The following IMMP2L variants were observed in gnomAD, a reference collection of about 807,000 sequenced individuals.
The protein encoded by IMMP2L is mitochondrial inner membrane protease subunit 2.
A neutral mutation model predicts 19.3 loss-of-function variants in IMMP2L; 18 were observed. The observed-to-expected ratio is 0.93, with a 90% CI of 0.64 to 1.38. The LOEUF is 1.38. IMMP2L is among the 40% of genes most tolerant of loss of function. The pLI is 0.00. For missense variants in IMMP2L, 233 were observed against 218.2 expected, an observed-to-expected ratio of 1.07 and a Z score of -0.43; for synonymous variants, 76 against 73.0, an observed-to-expected ratio of 1.04 and a Z score of -0.21.
intron 5 of IMMP2L, among the ~76,000 whole-genome samples, chr7:110,725,177 C>T (rs1000490657): frequency 6.6e-6 from 1 of 152,138 alleles, no homozygotes; most frequent in Non-Finnish European, 1.5e-5. Context: ...ATTTCAGACA[C>T]GGATCACACT....
intron 1 of IMMP2L, among the ~76,000 whole-genome samples, chr7:111,548,120 C>A (rs1219551415): frequency 6.6e-6 from 1 of 151,924 alleles, no homozygotes; most frequent in African/African-American, 2.4e-5. Context: ...AGTGAGAAAC[C>A]AGTTTCAGGG....
chr7:110,684,940 C>T (rs753002421), intron 5 of IMMP2L, among the ~76,000 whole-genome samples: 36 of 152,060 alleles, frequency 2.4e-4, no homozygotes, highest in Non-Finnish European at 4.6e-4. Flanking sequence ...AACAACAGTT[C>T]CAAATTTTCC....
intron 3 of IMMP2L, among the ~76,000 whole-genome samples, chr7:111,337,935 T>C (rs1409938918): frequency 6.6e-6 from 1 of 151,856 alleles, no homozygotes; most frequent in African/African-American, 2.4e-5. Flanking sequence ...TTACCAGAGA[T>C]ACAAAGAAAT....
intron 3 of IMMP2L, chr7:111,122,743 C>A: frequency 6.4e-7 from 1 of 1,560,792 alleles, no homozygotes; most frequent in Non-Finnish European, 8.8e-7. Context: ...TCCTTAAGGG[C>A]CCATTACATT....
chr7:111,223,648 T>G (rs960036824), intron 3 of IMMP2L, among the ~76,000 whole-genome samples: 5 of 152,122 alleles, frequency 3.3e-5, no homozygotes, highest in Admixed American at 6.6e-5. Flanking sequence ...CATGCTTAAT[T>G]ACCCAGCAAA....
chr7:111,426,852 T>C (rs1281970260), intron 3 of IMMP2L, among the ~76,000 whole-genome samples: 1 of 151,194 alleles, frequency 6.6e-6, no homozygotes, highest in Non-Finnish European at 1.5e-5. Flanking sequence ...CAGTGTTTGG[T>C]GTTTAATAAA....
chr7:111,548,979 CA>C (rs998532904), intron 1 of IMMP2L, among the ~76,000 whole-genome samples: 4 of 152,086 alleles, frequency 2.6e-5, no homozygotes, highest in Non-Finnish European at 5.9e-5. Flanking sequence ...CTCAAGCTGA[CA>C]ACTAGGTAAT....
intron 3 of IMMP2L, among the ~76,000 whole-genome samples, chr7:111,034,429 C>T (rs1174913156): frequency 4.6e-5 from 7 of 152,056 alleles, no homozygotes; most frequent in Admixed American, 1.3e-4. Context: ...CAAAGAATTA[C>T]GAATGAGTTG....
intron 4 of IMMP2L, among the ~76,000 whole-genome samples, chr7:110,907,048 G>A (rs1316297125): frequency 6.6e-6 from 1 of 152,110 alleles, no homozygotes; most frequent in Non-Finnish European, 1.5e-5. Flanking sequence ...CATTAGGCAA[G>A]GGCAGTGGGG....
At chr7:111,432,135 T>C (rs987145222) in intron 3 of IMMP2L, among the ~76,000 whole-genome samples, 5 of 151,632 alleles carry the variant, frequency 3.3e-5, no homozygotes, top group African/African-American at 1.2e-4. Flanking sequence ...AACTATGCCC[T>C]AAACCTGTGG....
At chr7:111,493,186 G>A (rs1348423000) in intron 2 of IMMP2L, among the ~76,000 whole-genome samples, 5 of 151,992 alleles carry the variant, frequency 3.3e-5, no homozygotes, top group Non-Finnish European at 7.4e-5. Context: ...CATCAAGTTA[G>A]GCAATTTAAG....
chr7:111,472,102 T>C (rs1289384538), intron 3 of IMMP2L, among the ~76,000 whole-genome samples: 2 of 152,290 alleles, frequency 1.3e-5, no homozygotes, highest in East Asian at 3.9e-4. Flanking sequence ...GAGTATCCTT[T>C]GTTCACCAGT....
chr7:110,929,897 C>T (rs1175503926), intron 4 of IMMP2L, among the ~76,000 whole-genome samples: 1 of 151,958 alleles, frequency 6.6e-6, no homozygotes, highest in Non-Finnish European at 1.5e-5. Flanking sequence ...TCATCGAGTT[C>T]CCAATAATAA....
At position 111,036,391 on chromosome 7, in the gene IMMP2L, C is replaced by T. The variant is rs28406651; in HGVS notation, c.240-72826G>A. ...TTCTCATTCTTAAAATAAAAGTGTT[C>T]GCATTTGAGGATTATTAAGGTCCCT... On this transcript the variant is annotated intron_variant, in intron 3 of 5. Transcript: ENST00000405709. 9.8e-3 allele frequency among the ~76,000 whole-genome samples: 1,494 copies of T among 152,208 alleles called. 22 individuals are homozygous for T. The highest frequency in any genetic ancestry group is 0.033 in the African/African-American group (1,383 of 41,548).
At chr7:110,773,398 A>C (rs888349496) in intron 5 of IMMP2L, among the ~76,000 whole-genome samples, 1 of 152,132 alleles carries the variant, frequency 6.6e-6, no homozygotes, top group Non-Finnish European at 1.5e-5. Flanking sequence ...TCATTAGATC[A>C]CTCTTATCTG....
At chr7:110,809,423 A>C (rs1266490243) in intron 5 of IMMP2L, among the ~76,000 whole-genome samples, 4 of 151,960 alleles carry the variant, frequency 2.6e-5, no homozygotes, top group Non-Finnish European at 5.9e-5. Context: ...ATTATGAATA[A>C]GATTATGAAA....
At chr7:111,549,470 A>T (rs1849242020) in intron 1 of IMMP2L, among the ~76,000 whole-genome samples, 1 of 152,174 alleles carries the variant, frequency 6.6e-6, no homozygotes, top group Non-Finnish European at 1.5e-5. Flanking sequence ...CCACTTTAAC[A>T]TCTGGATATT....
intron 3 of IMMP2L, among the ~76,000 whole-genome samples, chr7:111,051,679 A>C (rs1298153398): frequency 8.5e-5 from 13 of 152,360 alleles, no homozygotes; most frequent in Non-Finnish European, 1.5e-4. Flanking sequence ...GATTCATTCT[A>C]ATTGTGGCTA....
intron 3 of IMMP2L, among the ~76,000 whole-genome samples, chr7:111,048,260 A>G (rs1236108287): frequency 6.7e-6 from 1 of 149,290 alleles, no homozygotes; most frequent in African/African-American, 2.5e-5. Flanking sequence ...AAAAAAAAAA[A>G]AAAAAGAAAA....
Sources: allele counts gnomAD v4.1 joint callset (sites outside exome capture counted in the v4.1 genomes callset), GRCh38; gene constraint gnomAD v4.1.1; transcripts MANE v1.5; gene names NCBI Gene and HGNC (gene_info 2026-07-23, HGNC 2026-07-21).